The following TOX variants were observed in gnomAD, a reference collection of about 807,000 sequenced individuals.
The protein encoded by TOX is thymocyte selection-associated high mobility group box protein TOX.
TOX carries 11 observed loss-of-function variants against 53.7 expected under a neutral mutation model. The observed-to-expected ratio is 0.20, with a 90% CI of 0.13 to 0.34. TOX has a LOEUF of 0.34. Ranked by LOEUF, TOX falls within the 10% of genes least tolerant of loss-of-function variation. The probability of loss-of-function intolerance (pLI) is 1.00; values close to 1 mark genes in which losing one functional copy is unlikely to be tolerated. For missense variants in TOX, 570 were observed against 664.6 expected (o/e 0.86, Z 1.56); for synonymous variants, 225 against 245.3 (o/e 0.92, Z 0.77).
chr8:59,011,714 G>C (rs908789895), intron 1 of TOX, among the ~76,000 whole-genome samples: 1 of 152,080 alleles, frequency 6.6e-6, no homozygotes, highest in Non-Finnish European at 1.5e-5. Flanking sequence ...AATAGTAATA[G>C]TGATGATAAT....
intron 1 of TOX, among the ~76,000 whole-genome samples, chr8:58,980,639 A>G (rs1050007138): frequency 2.0e-5 from 3 of 152,262 alleles, no homozygotes; most frequent in Non-Finnish European, 2.9e-5. Flanking sequence ...ATATTCCTAC[A>G]AAGTGGAAGG....
chr8:59,030,078 T>C (rs1210260398), intron 1 of TOX, among the ~76,000 whole-genome samples: 1 of 152,144 alleles, frequency 6.6e-6, no homozygotes, highest in Non-Finnish European at 1.5e-5. Flanking sequence ...GCTGATTCCA[T>C]TTAGTAAAGC....
intron 3 of TOX, among the ~76,000 whole-genome samples, chr8:58,862,799 T>C (rs74664561): frequency 0.018 from 2,752 of 152,248 alleles, 45 homozygotes; most frequent in Non-Finnish European, 0.028. Context: ...TCTACTGATA[T>C]AAAGATCATA....
chr8:58,915,170 C>T (rs572309370), intron 3 of TOX, among the ~76,000 whole-genome samples: 2 of 151,628 alleles, frequency 1.3e-5, no homozygotes, highest in Non-Finnish European at 2.9e-5. Flanking sequence ...AACAAAGCAG[C>T]GGGGAAGCTC....
intron 1 of TOX, among the ~76,000 whole-genome samples, chr8:59,026,331 G>C (rs1248250205): frequency 6.6e-6 from 1 of 152,144 alleles, no homozygotes; most frequent in Non-Finnish European, 1.5e-5. Flanking sequence ...GGACCAATAG[G>C]AAGGCCTGAG....
intron 1 of TOX, among the ~76,000 whole-genome samples, chr8:59,084,524 T>C (rs1344685954): frequency 6.6e-6 from 1 of 152,216 alleles, no homozygotes; most frequent in African/African-American, 2.4e-5. Flanking sequence ...ATTCTCGATA[T>C]CTTTTACTTC....
intron 3 of TOX, among the ~76,000 whole-genome samples, chr8:58,910,648 A>G (rs995573793): frequency 1.3e-5 from 2 of 152,254 alleles, no homozygotes; most frequent in Non-Finnish European, 2.9e-5. Flanking sequence ...ATTAAAAAGT[A>G]TGATTTGATT....
chr8:59,026,758 AC>A (rs1585972565), intron 1 of TOX, among the ~76,000 whole-genome samples: 1 of 152,278 alleles, frequency 6.6e-6, no homozygotes, highest in East Asian at 1.9e-4. Flanking sequence ...TGCTCCACCT[AC>A]TGAAGTTGCA....
chr8:58,996,960 G>C (rs1314953817), intron 1 of TOX, among the ~76,000 whole-genome samples: 1 of 152,126 alleles, frequency 6.6e-6, no homozygotes, highest in Non-Finnish European at 1.5e-5. Flanking sequence ...TTTCAGACTC[G>C]CATAGCTGTT....
At chr8:59,077,754 T>C (rs1378287546) in intron 1 of TOX, among the ~76,000 whole-genome samples, 2 of 152,228 alleles carry the variant, frequency 1.3e-5, no homozygotes, top group African/African-American at 4.8e-5. Context: ...TATTGATTCA[T>C]GCTTGTTTGC....
At position 58,960,818 on chromosome 8, in the gene TOX, T is replaced by G. The variant is rs564719913; in HGVS notation, c.103-810A>C. Among the ~76,000 whole-genome samples, 6 of 152,346 alleles carry G rather than the reference T, an allele frequency of 3.9e-5. No homozygotes were observed. The South Asian group carries it at 1.2e-3, about 32-fold the overall frequency. On this transcript the variant is annotated intron_variant, in intron 1 of 8. Transcript: ENST00000361421. Reference sequence around the variant, plus strand: ...TTGGGGTTTTGCAAGTAGTCATCACTCTACTCAGACTTAATCCTCAGCTAT... The same window carrying G: ...TTGGGGTTTTGCAAGTAGTCATCACGCTACTCAGACTTAATCCTCAGCTAT...
chr8:58,891,845 C>T (rs1397605808), intron 3 of TOX, among the ~76,000 whole-genome samples: 7 of 152,058 alleles, frequency 4.6e-5, no homozygotes, highest in East Asian at 1.9e-4. Context: ...CACTCTTTGC[C>T]GTGGCAGAGC....
At chr8:59,056,020 C>T (rs547347468) in intron 1 of TOX, among the ~76,000 whole-genome samples, 22 of 152,194 alleles carry the variant, frequency 1.4e-4, no homozygotes, top group African/African-American at 5.1e-4. Context: ...TGCTCATAAA[C>T]ATTTCTCTTG....
At chr8:58,842,978 CA>C (rs1434937496) in intron 4 of TOX, among the ~76,000 whole-genome samples, 3 of 152,194 alleles carry the variant, frequency 2.0e-5, no homozygotes, top group Non-Finnish European at 4.4e-5. Flanking sequence ...TTTCAAGGCT[CA>C]GGAGACATCA....
intron 3 of TOX, among the ~76,000 whole-genome samples, chr8:58,870,301 A>G (rs891287482): frequency 1.3e-5 from 2 of 152,162 alleles, no homozygotes; most frequent in African/African-American, 4.8e-5. Context: ...ACCATTTACA[A>G]CAGCACTCCA....
At position 58,815,620 on chromosome 8, in the gene TOX, G is replaced by A; in HGVS notation, c.1110C>T (p.Tyr370=). The part of the protein sequence containing the change: ...HGPSQAHSAL[Y]LSSHYHQQPG... ...GTTGTTGGTGATAGTGGGAACTTAG[G>A]TACAGGGCCGAGTGGGCCTGGCTGG... The change falls in exon 7 of 9, where the codon TAC becomes TAT. Residue 370 remains tyrosine (Y), a synonymous_variant. Coordinates refer to ENST00000361421, the MANE Select transcript of TOX (RefSeq NM_014729.3). 6.2e-7 allele frequency: 1 copy of A among 1,614,154 alleles called. No individual in the cohort carries two copies. Among genetic ancestry groups the A allele is most frequent in the East Asian group, 2.2e-5 (1 of 44,880 alleles).
At chr8:59,100,508 G>C (rs1317790085) in intron 1 of TOX, among the ~76,000 whole-genome samples, 1 of 152,172 alleles carries the variant, frequency 6.6e-6, no homozygotes, top group Non-Finnish European at 1.5e-5. Context: ...ATATAATAAA[G>C]TAATTGTGAA....
chr8:58,880,294 A>G (rs535824077), intron 3 of TOX, among the ~76,000 whole-genome samples: 8 of 152,228 alleles, frequency 5.3e-5, no homozygotes, highest in Non-Finnish European at 1.0e-4. Context: ...ATGGCTGGTT[A>G]TTTAACATCC....
At chr8:58,852,182 T>C (rs1810836167) in intron 3 of TOX, among the ~76,000 whole-genome samples, 1 of 152,198 alleles carries the variant, frequency 6.6e-6, no homozygotes, top group South Asian at 2.1e-4. Flanking sequence ...TGATGCTCAT[T>C]AGAGTGTCTG....
Sources: allele counts gnomAD v4.1 joint callset (sites outside exome capture counted in the v4.1 genomes callset), GRCh38; gene constraint gnomAD v4.1.1; transcripts MANE v1.5; gene names NCBI Gene and HGNC (gene_info 2026-07-23, HGNC 2026-07-21).